Variants in SUSD4 observed in about 807,000 individuals in gnomAD.
SUSD4 encodes the protein sushi domain-containing protein 4.
SUSD4 carries 41 observed loss-of-function variants against 50.5 expected under a neutral mutation model. That is an observed-to-expected ratio of 0.81 (90% CI 0.63 to 1.05). The LOEUF (loss-of-function observed/expected upper bound fraction) is 1.05, where lower values mean the gene tolerates loss of function less well. Among genes scored for constraint, SUSD4 ranks in the 50% least tolerant of loss-of-function variants. The probability of loss-of-function intolerance (pLI) is 0.00; values close to 1 mark genes in which losing one functional copy is unlikely to be tolerated. For synonymous variants in SUSD4, 257 were observed against 257.3 expected, an observed-to-expected ratio of 1.00 and a Z score of 0.01; for missense variants, 580 against 634.7, an observed-to-expected ratio of 0.91 and a Z score of 0.93.
chr1:223,254,152 G>C (rs1661524474), intron 5 of SUSD4, among the ~76,000 whole-genome samples: 1 of 152,204 alleles, frequency 6.6e-6, no homozygotes, highest in South Asian at 2.1e-4. Flanking sequence ...AACCATGGAT[G>C]GGGGCTTGGG....
chr1:223,289,533 G>A (rs1323674719), intron 3 of SUSD4, among the ~76,000 whole-genome samples: 1 of 152,126 alleles, frequency 6.6e-6, no homozygotes, highest in African/African-American at 2.4e-5. Flanking sequence ...GCACTTTACT[G>A]TCATAAAGCA....
In SUSD4 at chr1:223,258,601, AG is replaced by A. The variant is rs1661869543; in HGVS notation, c.724+6028del. 2.0e-5 allele frequency among the ~76,000 whole-genome samples: 3 copies of A among 152,124 alleles called. No individual in the cohort carries two copies. The South Asian group carries it at 6.2e-4, about 32-fold the overall frequency. ...TAAACTTTCAGATGTTCGGCTTCCA[AG>A]GGGGTCGGGTTTACTGGTTCCTGGG... On this transcript the variant is annotated intron_variant, in intron 5 of 8. Coordinates refer to ENST00000366878, the MANE Select transcript of SUSD4 (RefSeq NM_017982.4).
chr1:223,335,852 C>T (rs1304603514), intron 2 of SUSD4, among the ~76,000 whole-genome samples: 2 of 152,068 alleles, frequency 1.3e-5, no homozygotes, highest in African/African-American at 2.4e-5. Flanking sequence ...AGGAGATTTG[C>T]TAGATTACTT....
intron 2 of SUSD4, among the ~76,000 whole-genome samples, chr1:223,297,033 C>A (rs1250366015): frequency 6.6e-6 from 1 of 152,128 alleles, no homozygotes; most frequent in Non-Finnish European, 1.5e-5. Flanking sequence ...GACCAGTGTC[C>A]CCAAAGCAAG....
intron 5 of SUSD4, among the ~76,000 whole-genome samples, chr1:223,241,209 A>G (rs1660557969): frequency 6.6e-6 from 1 of 152,164 alleles, no homozygotes; most frequent in African/African-American, 2.4e-5. Context: ...GCATAATTCA[A>G]AATGGCTCAT....
intron 5 of SUSD4, among the ~76,000 whole-genome samples, chr1:223,251,163 T>C (rs958913873): frequency 6.6e-6 from 1 of 152,188 alleles, no homozygotes; most frequent in East Asian, 1.9e-4. Flanking sequence ...TAATAGAATA[T>C]CCAAGACTGG....
At chr1:223,276,930 T>C (rs559626022) in intron 3 of SUSD4, among the ~76,000 whole-genome samples, 1 of 152,246 alleles carries the variant, frequency 6.6e-6, no homozygotes, top group African/African-American at 2.4e-5. Context: ...CCAAATAAAA[T>C]ATTTTTAAAG....
intron 2 of SUSD4, among the ~76,000 whole-genome samples, chr1:223,361,413 C>A (rs567923101): frequency 1.3e-5 from 2 of 152,252 alleles, no homozygotes; most frequent in South Asian, 4.1e-4. Flanking sequence ...AGCTCTGAGA[C>A]TGACAGGTGA....
At chr1:223,266,254 G>A (rs1662482489) in intron 4 of SUSD4, among the ~76,000 whole-genome samples, 1 of 152,116 alleles carries the variant, frequency 6.6e-6, no homozygotes, top group African/African-American at 2.4e-5. Context: ...ATAACCTTAG[G>A]TTATTATTAT....
intron 3 of SUSD4, among the ~76,000 whole-genome samples, chr1:223,269,783 T>C (rs1429796611): frequency 1.3e-5 from 2 of 152,162 alleles, no homozygotes; most frequent in Admixed American, 6.5e-5. Context: ...CTTTAAAAGA[T>C]TGTAGGTCTC....
chr1:223,260,039 T>A (rs951365562), intron 5 of SUSD4, among the ~76,000 whole-genome samples: 2 of 151,960 alleles, frequency 1.3e-5, no homozygotes, highest in African/African-American at 4.8e-5. Context: ...CTGGGGAAAA[T>A]AAACAAAAAT....
chr1:223,305,619 T>C (rs1665489569), intron 2 of SUSD4, among the ~76,000 whole-genome samples: 1 of 152,116 alleles, frequency 6.6e-6, no homozygotes, highest in East Asian at 1.9e-4. Flanking sequence ...TTAGGCAAAA[T>C]AGATTTTTCA....
intron 2 of SUSD4, among the ~76,000 whole-genome samples, chr1:223,304,726 C>A (rs956447194): frequency 1.4e-5 from 2 of 142,944 alleles, no homozygotes; most frequent in Admixed American, 7.0e-5. Flanking sequence ...CTTTGAATCC[C>A]GACTCTGCCA....
At chr1:223,314,469 A>G (rs1427777893) in intron 2 of SUSD4, among the ~76,000 whole-genome samples, 1 of 152,150 alleles carries the variant, frequency 6.6e-6, no homozygotes, top group Non-Finnish European at 1.5e-5. Context: ...GGGAGACATG[A>G]GTGGGACAGA....
At chr1:223,251,816 AG>A (rs1285422669) in intron 5 of SUSD4, among the ~76,000 whole-genome samples, 1 of 152,060 alleles carries the variant, frequency 6.6e-6, no homozygotes, top group Non-Finnish European at 1.5e-5. Context: ...TAGGTCCCTG[AG>A]GAATTGCCAC....
In SUSD4 at chr1:223,243,902, A is replaced by G. The variant is rs527985202; in HGVS notation, c.725-14514T>C. ...ACAATCTGCATTTTGGACTTTCTGA[A>G]ATAAGAGCCTCTTTATTCTGTTACC... On this transcript the variant is annotated intron_variant, in intron 5 of 8. Coordinates refer to ENST00000366878, the MANE Select transcript of SUSD4 (RefSeq NM_017982.4). Among the ~76,000 whole-genome samples the G allele has an allele frequency of 6.2e-4, 95 of 152,348 alleles. 1 individual carries two copies. Among genetic ancestry groups the G allele is most frequent in the Middle Eastern group, 6.8e-3 (2 of 294 alleles).
At chr1:223,362,595 T>C (rs956449435) in intron 2 of SUSD4, among the ~76,000 whole-genome samples, 2 of 152,202 alleles carry the variant, frequency 1.3e-5, no homozygotes, top group African/African-American at 2.4e-5. Flanking sequence ...CTATCAATTT[T>C]ATTTCAGCTA....
chr1:223,229,453 G>T lies in SUSD4; in HGVS notation c.725-65C>A. The T allele has an allele frequency of 6.8e-7, 1 of 1,463,614 alleles. No individual in the cohort carries two copies. Among genetic ancestry groups the T allele is most frequent in the Non-Finnish European group, 9.3e-7 (1 of 1,078,142 alleles). 90.7% of individuals were successfully genotyped at this position (1,463,614 alleles called of 1,614,324 possible). ...GCTCACCTTTGTCTGAAGCCCCTAA[G>T]ACGAAGAATGGCCTAGGAGAACTCA... On this transcript the variant is annotated intron_variant, in intron 5 of 8. Coordinates refer to ENST00000366878, the MANE Select transcript of SUSD4 (RefSeq NM_017982.4). This position sits in a 1 kb window ranked among gnomAD's most constrained non-coding sequence, Gnocchi z 4.7.
intron 2 of SUSD4, among the ~76,000 whole-genome samples, chr1:223,298,507 G>A (rs1664981623): frequency 6.6e-6 from 1 of 152,114 alleles, no homozygotes. Flanking sequence ...TCTACACGAG[G>A]GATTTGACTG....
Sources: allele counts gnomAD v4.1 joint callset (sites outside exome capture counted in the v4.1 genomes callset), GRCh38; gene constraint gnomAD v4.1.1; non-coding constraint Gnocchi (gnomAD v3.1); transcripts MANE v1.5; gene names NCBI Gene and HGNC (gene_info 2026-07-23, HGNC 2026-07-21).